The following GMDS variants were observed in gnomAD, a reference collection of about 807,000 sequenced individuals.
GMDS encodes the protein GDP-mannose 4,6-dehydratase, also known as GDP-mannose 4,6 dehydratase.
In GMDS, 20 loss-of-function variants were observed where a neutral mutation model predicts 49.9. The observed-to-expected ratio is 0.40, with a 90% CI of 0.28 to 0.58. The LOEUF (loss-of-function observed/expected upper bound fraction) is 0.58. Among genes scored for constraint, GMDS ranks in the 20% least tolerant of loss-of-function variants. The pLI is 0.42. For synonymous variants in GMDS, 177 were observed against 178.6 expected, an observed-to-expected ratio of 0.99 and a Z score of 0.07; for missense variants, 362 against 481.4, an observed-to-expected ratio of 0.75 and a Z score of 2.32.
chr6:2,164,790 G>C (rs773026133), intron 1 of GMDS, among the ~76,000 whole-genome samples: 1 of 152,198 alleles, frequency 6.6e-6, no homozygotes, highest in Non-Finnish European at 1.5e-5. Context: ...TTCTCCTTCA[G>C]GGCACACATA....
chr6:1,901,456 A>C (rs1026261435), intron 7 of GMDS, among the ~76,000 whole-genome samples: 3 of 152,206 alleles, frequency 2.0e-5, no homozygotes, highest in Non-Finnish European at 4.4e-5. Flanking sequence ...ATATATAATG[A>C]AAAAGATTCT....
intron 9 of GMDS, among the ~76,000 whole-genome samples, chr6:1,714,409 A>C (rs1163053014): frequency 1.3e-5 from 2 of 152,174 alleles, no homozygotes; most frequent in Non-Finnish European, 2.9e-5. Context: ...CATTAAAAAA[A>C]AAAAAGAAAA....
chr6:2,172,905 T>C (rs1778089878), intron 1 of GMDS, among the ~76,000 whole-genome samples: 1 of 152,130 alleles, frequency 6.6e-6, no homozygotes, highest in Admixed American at 6.5e-5. Flanking sequence ...AAATATATCT[T>C]CCTTCTACAG....
chr6:1,727,193 CA>C (rs1356017975), intron 8 of GMDS, among the ~76,000 whole-genome samples: 1 of 152,194 alleles, frequency 6.6e-6, no homozygotes, highest in African/African-American at 2.4e-5. Context: ...ACTGTTTGCA[CA>C]CAAGTTTCCT....
intron 7 of GMDS, among the ~76,000 whole-genome samples, chr6:1,866,243 A>G (rs571468571): frequency 5.8e-4 from 88 of 152,364 alleles, no homozygotes; most frequent in Middle Eastern, 3.4e-3. Context: ...ATTCCAGACC[A>G]GATAAATATT....
intron 1 of GMDS, among the ~76,000 whole-genome samples, chr6:2,125,831 G>T (rs1418348817): frequency 6.6e-6 from 1 of 152,184 alleles, no homozygotes; most frequent in African/African-American, 2.4e-5. Flanking sequence ...AGGTTTTAAG[G>T]TGGCAGGGAG....
rs115643194 is a variant in GMDS at position 2,184,847 on chromosome 6, G to A, written c.103-60116C>T. Reference sequence around the variant, plus strand: ...ATACCATTGGGAACCATTGTAATCAGCACACAACTGTCAGCAGATAAGACT... The same window carrying A: ...ATACCATTGGGAACCATTGTAATCAACACACAACTGTCAGCAGATAAGACT... On this transcript the variant is annotated intron_variant, in intron 1 of 10. Coordinates refer to ENST00000380815, the MANE Select transcript of GMDS (RefSeq NM_001500.4). Among the ~76,000 whole-genome samples, 863 of 152,248 alleles carry A rather than the reference G, an allele frequency of 5.7e-3. 2 individuals are homozygous for A. Among genetic ancestry groups the A allele is most frequent in the Middle Eastern group, 0.017 (5 of 294 alleles).
intron 7 of GMDS, among the ~76,000 whole-genome samples, chr6:1,904,541 T>C (rs1028640008): frequency 3.1e-4 from 47 of 152,198 alleles, no homozygotes; most frequent in Admixed American, 2.9e-3. Flanking sequence ...GTCAGTCCAT[T>C]TAACGAACGA....
At chr6:1,917,198 C>T (rs910651052) in intron 7 of GMDS, among the ~76,000 whole-genome samples, 2 of 152,082 alleles carry the variant, frequency 1.3e-5, no homozygotes, top group African/African-American at 4.8e-5. Context: ...ACACAATCAA[C>T]ACTTGAAGTC....
intron 9 of GMDS, among the ~76,000 whole-genome samples, chr6:1,667,893 T>C (rs1764285473): frequency 6.6e-6 from 1 of 150,640 alleles, no homozygotes; most frequent in African/African-American, 2.4e-5. Context: ...CCTGGTTAAG[T>C]TTCTTTCTAA....
At chr6:1,659,538 T>C (rs1763997802) in intron 9 of GMDS, among the ~76,000 whole-genome samples, 2 of 152,026 alleles carry the variant, frequency 1.3e-5, no homozygotes, top group African/African-American at 4.8e-5. Flanking sequence ...CCCAGATAGG[T>C]TCAGGCAAGG....
At chr6:1,839,260 G>C (rs1297603924) in intron 7 of GMDS, among the ~76,000 whole-genome samples, 1 of 152,118 alleles carries the variant, frequency 6.6e-6, no homozygotes, top group Non-Finnish European at 1.5e-5. Flanking sequence ...AGATCTATAT[G>C]CTTGTGGTAC....
chr6:2,057,412 C>T (rs1011531242), intron 4 of GMDS, among the ~76,000 whole-genome samples: 1 of 152,214 alleles, frequency 6.6e-6, no homozygotes, highest in African/African-American at 2.4e-5. Context: ...TATGTACACA[C>T]ATATTTTTTA....
At chr6:1,914,711 T>C (rs1761283731) in intron 7 of GMDS, among the ~76,000 whole-genome samples, 1 of 152,178 alleles carries the variant, frequency 6.6e-6, no homozygotes, top group Non-Finnish European at 1.5e-5. Flanking sequence ...GGCCTTAGTC[T>C]TGTGTCTCAC....
At chr6:2,011,405 G>A (rs4959625) in intron 4 of GMDS, among the ~76,000 whole-genome samples, 71,093 of 152,006 alleles carry the variant, frequency 0.47, 16,943 homozygotes, top group African/African-American at 0.55. Context: ...TCAAAGAACT[G>A]AAAATAGAAC....
chr6:1,686,328 A>T (rs966009360), intron 9 of GMDS, among the ~76,000 whole-genome samples: 12 of 152,242 alleles, frequency 7.9e-5, no homozygotes, highest in African/African-American at 2.9e-4. Flanking sequence ...TTAAGTATGC[A>T]ATCAGGGAAA....
chr6:2,045,213 C>G (rs1769927993), intron 4 of GMDS, among the ~76,000 whole-genome samples: 1 of 151,888 alleles, frequency 6.6e-6, no homozygotes, highest in Non-Finnish European at 1.5e-5. Flanking sequence ...AAGGAAAAAT[C>G]TCCTCTCTAA....
Position 1,862,761 on chromosome 6 carries a change from G to A in GMDS, c.771+67342C>T, listed in dbSNP as rs377577692. ...TCCATACTTCTTATTATGTTGTGCCGGTGATCTACATTCTTCTTTAGAATA... is the reference window on the plus strand; with the variant it reads ...TCCATACTTCTTATTATGTTGTGCCAGTGATCTACATTCTTCTTTAGAATA... On this transcript the variant is annotated intron_variant, in intron 7 of 10. Coordinates refer to ENST00000380815, the MANE Select transcript of GMDS (RefSeq NM_001500.4). Among the ~76,000 whole-genome samples the A allele has an allele frequency of 3.9e-5, 6 of 152,038 alleles. No homozygotes were observed. The East Asian group carries it at 7.7e-4, about 19-fold the overall frequency.
intron 4 of GMDS, among the ~76,000 whole-genome samples, chr6:2,026,960 A>G (rs1432158583): frequency 6.6e-6 from 1 of 152,238 alleles, no homozygotes; most frequent in Non-Finnish European, 1.5e-5. Flanking sequence ...CAGATCATAT[A>G]AGAAATAATA....
Sources: allele counts gnomAD v4.1 joint callset (sites outside exome capture counted in the v4.1 genomes callset), GRCh38; gene constraint gnomAD v4.1.1; transcripts MANE v1.5; gene names NCBI Gene and HGNC (gene_info 2026-07-23, HGNC 2026-07-21).